The following AGBL4 variants were observed in gnomAD, a reference collection of about 807,000 sequenced individuals.
AGBL4 encodes the protein cytosolic carboxypeptidase 6.
Under a neutral mutation model 66.4 loss-of-function variants are expected in AGBL4, and 58 were observed. The ratio of observed to expected loss-of-function variants is 0.87; its 90% confidence interval spans 0.71 to 1.09. The LOEUF (loss-of-function observed/expected upper bound fraction) is 1.09, where lower values mean the gene tolerates loss of function less well. Ranked by LOEUF, AGBL4 falls within the 50% of genes least tolerant of loss-of-function variation. The pLI is 0.00. For synonymous variants in AGBL4, 234 were observed against 222.9 expected, an observed-to-expected ratio of 1.05 and a Z score of -0.44; for missense variants, 579 against 631.0, an observed-to-expected ratio of 0.92 and a Z score of 0.88.
chr1:49,405,140 T>C (rs986760902), intron 3 of AGBL4, among the ~76,000 whole-genome samples: 1 of 152,190 alleles, frequency 6.6e-6, no homozygotes, highest in African/African-American at 2.4e-5. Flanking sequence ...CTCACCTCCA[T>C]ACTCACCCTT....
At chr1:49,835,442 CT>C (rs779562179) in intron 2 of AGBL4, among the ~76,000 whole-genome samples, 1 of 152,056 alleles carries the variant, frequency 6.6e-6, no homozygotes, top group Non-Finnish European at 1.5e-5. Context: ...TCCTCCATCC[CT>C]TTATTTTGAG....
At chr1:48,845,372 C>A (rs1209044419) in intron 6 of AGBL4, among the ~76,000 whole-genome samples, 2 of 152,164 alleles carry the variant, frequency 1.3e-5, no homozygotes, top group African/African-American at 4.8e-5. Flanking sequence ...TAGCAGTAGT[C>A]ATCAGGCTGC....
intron 3 of AGBL4, among the ~76,000 whole-genome samples, chr1:49,588,099 A>G (rs762731590): frequency 6.6e-6 from 1 of 152,070 alleles, no homozygotes; most frequent in Non-Finnish European, 1.5e-5. Flanking sequence ...ATTAATATTT[A>G]TTTCCCAAGC....
intron 3 of AGBL4, among the ~76,000 whole-genome samples, chr1:49,643,996 A>C (rs1357383648): frequency 6.6e-6 from 1 of 151,674 alleles, no homozygotes; most frequent in Non-Finnish European, 1.5e-5. Flanking sequence ...AACTCATAAC[A>C]AAGCATTGCA....
At chr1:49,622,010 G>T (rs1051741002) in intron 3 of AGBL4, among the ~76,000 whole-genome samples, 5 of 152,172 alleles carry the variant, frequency 3.3e-5, no homozygotes, top group African/African-American at 1.2e-4. Flanking sequence ...TGCCACTAAT[G>T]AATCTAGAAG....
chr1:49,122,387 G>A (rs1467588731), intron 4 of AGBL4, among the ~76,000 whole-genome samples: 1 of 152,106 alleles, frequency 6.6e-6, no homozygotes, highest in Non-Finnish European at 1.5e-5. Flanking sequence ...TAAAGTAATG[G>A]TATATCTTAA....
chr1:49,059,238 G>A (rs1444734834), intron 4 of AGBL4, among the ~76,000 whole-genome samples: 1 of 152,226 alleles, frequency 6.6e-6, no homozygotes, highest in Non-Finnish European at 1.5e-5. Context: ...ATGGTGTCCT[G>A]CTCCCAGCTG....
rs1296754497 is a variant in AGBL4 at position 49,434,563 on chromosome 1, C to T, written c.283-188699G>A. On this transcript the variant is annotated intron_variant, in intron 3 of 13. Transcript: ENST00000371839. ...TAAAAACATGAAAGGTTATTCATGT[C>T]GTAGGTACAGATATATCTCAGAAGG... Among the ~76,000 whole-genome samples, 5 of 152,112 alleles carry T rather than the reference C, an allele frequency of 3.3e-5. No individual in the cohort carries two copies. In the South Asian group the frequency reaches 6.2e-4, roughly 19 times the overall value.
intron 4 of AGBL4, among the ~76,000 whole-genome samples, chr1:49,112,031 T>C (rs1323550827): frequency 2.0e-5 from 3 of 152,224 alleles, no homozygotes; most frequent in African/African-American, 4.8e-5. Context: ...AGTAACATAA[T>C]GTAGTAGTTT....
chr1:48,670,310 A>G (rs541562051), intron 6 of AGBL4, among the ~76,000 whole-genome samples: 1 of 152,222 alleles, frequency 6.6e-6, no homozygotes, highest in Non-Finnish European at 1.5e-5. Context: ...TATGAAGAAG[A>G]AGGGCAGAGG....
intron 1 of AGBL4, among the ~76,000 whole-genome samples, chr1:49,853,294 C>G (rs1296344691): frequency 6.6e-6 from 1 of 151,908 alleles, no homozygotes; most frequent in Non-Finnish European, 1.5e-5. Flanking sequence ...AGACAGAAAC[C>G]ACAGTAATAA....
chr1:49,910,160 T>C (rs182822487), intron 1 of AGBL4, among the ~76,000 whole-genome samples: 2 of 152,114 alleles, frequency 1.3e-5, no homozygotes, highest in East Asian at 1.9e-4. Context: ...ATTTCAAAGG[T>C]TTAAGGTTCA....
chr1:49,171,017 T>A (rs1646728605), intron 4 of AGBL4, among the ~76,000 whole-genome samples: 1 of 152,138 alleles, frequency 6.6e-6, no homozygotes, highest in South Asian at 2.1e-4. Context: ...CACATTCTAG[T>A]GGTCAAAACA....
chr1:49,498,318 A>G (rs895351492), intron 3 of AGBL4, among the ~76,000 whole-genome samples: 3 of 151,896 alleles, frequency 2.0e-5, no homozygotes, highest in South Asian at 2.1e-4. Context: ...CACAAAAACA[A>G]TTTAGCTTCT....
intron 1 of AGBL4, among the ~76,000 whole-genome samples, chr1:49,948,305 TA>T (rs1234410977): frequency 9.2e-6 from 1 of 108,934 alleles, no homozygotes; most frequent in African/African-American, 3.9e-5. Flanking sequence ...AAAATATATA[TA>T]AATATATATA....
intron 4 of AGBL4, among the ~76,000 whole-genome samples, chr1:49,149,219 T>G (rs1646279142): frequency 6.6e-6 from 1 of 152,220 alleles, no homozygotes; most frequent in Non-Finnish European, 1.5e-5. Flanking sequence ...TCTCCAGAAG[T>G]AGCTGTCCCT....
At chr1:49,491,681 T>C (rs1647186999) in intron 3 of AGBL4, among the ~76,000 whole-genome samples, 1 of 152,054 alleles carries the variant, frequency 6.6e-6, no homozygotes, top group South Asian at 2.1e-4. Flanking sequence ...GTTGACTCTC[T>C]TGTTAAAGTA....
At chr1:48,901,511 T>A (rs531671377) in intron 5 of AGBL4, among the ~76,000 whole-genome samples, 11 of 152,286 alleles carry the variant, frequency 7.2e-5, no homozygotes, top group African/African-American at 2.2e-4. Context: ...TTGTGGTATA[T>A]CTATACAATA....
intron 3 of AGBL4, among the ~76,000 whole-genome samples, chr1:49,678,857 T>C (rs935801501): frequency 2.0e-5 from 3 of 152,114 alleles, no homozygotes; most frequent in African/African-American, 7.2e-5. Flanking sequence ...TTTCCTAAAA[T>C]TTTTTAAGGT....
Sources: gnomAD v4.1 joint callset for allele counts (sites outside exome capture counted in the v4.1 genomes callset) on GRCh38, gnomAD v4.1.1 for gene constraint, MANE v1.5 for transcripts, NCBI Gene and HGNC (gene_info 2026-07-23, HGNC 2026-07-21) for gene names.